The following ADORA2B variants were observed in gnomAD, a reference collection of about 807,000 sequenced individuals.
ADORA2B encodes adenosine A2b receptor, also known as adenosine receptor A2b.
In ADORA2B, 18 loss-of-function variants were observed where a neutral mutation model predicts 20.8. The observed-to-expected ratio is 0.87, with a 90% CI of 0.60 to 1.29. The LOEUF is 1.29. Among genes scored for constraint, ADORA2B ranks in the 50% most tolerant of loss-of-function variants. The pLI is 0.00. For synonymous variants in ADORA2B, 179 were observed against 178.3 expected, an observed-to-expected ratio of 1.00 and a Z score of -0.03; for missense variants, 441 against 422.7, an observed-to-expected ratio of 1.04 and a Z score of -0.38.
At position 15,974,762 on chromosome 17, in the gene ADORA2B, C is replaced by T. The variant is rs1970228501; in HGVS notation, c.419C>T (p.Pro140Leu). The T allele has an allele frequency of 1.2e-6, 2 of 1,614,000 alleles. No homozygotes were observed. The highest frequency in any genetic ancestry group is 1.3e-5 in the African/African-American group (1 of 74,898). The part of the protein sequence containing the change: ...WVLAFGIGLT[P>L]FLGWNSKDSA... ...CTTGCCTTTGGCATCGGATTGACTC[C>T]ATTCCTGGGGTGGAACAGTAAAGAC... The change falls in exon 2 of 2, where the codon CCA (proline) becomes CTA (leucine). Residue 140 changes from proline (P) to leucine (L), a missense_variant. Coordinates refer to ENST00000304222, the MANE Select transcript of ADORA2B (RefSeq NM_000676.4).
chr17:15,942,786 T>C (rs1026904698), upstream of ADORA2B, among the ~76,000 whole-genome samples: 1 of 152,132 alleles, frequency 6.6e-6, no homozygotes, highest in Non-Finnish European at 1.5e-5. Context: ...ATGGCCCAGC[T>C]CTCCAGCCTG....
the ADORA2B span, among the ~76,000 whole-genome samples, chr17:15,938,891 CT>C: frequency 1.3e-5 from 2 of 152,000 alleles, no homozygotes; most frequent in Admixed American, 6.6e-5. Flanking sequence ...CTTCAACTTT[CT>C]TTTTTTTGTA....
At chr17:15,964,862 C>G (rs530021710) in intron 1 of ADORA2B, among the ~76,000 whole-genome samples, 5 of 151,884 alleles carry the variant, frequency 3.3e-5, no homozygotes, top group East Asian at 1.9e-4. Context: ...GAGATCGAGA[C>G]CATCCTGGCT....
At chr17:15,934,515 C>T in the ADORA2B span, among the ~76,000 whole-genome samples, 25 of 152,176 alleles carry the variant, frequency 1.6e-4, no homozygotes, top group African/African-American at 5.5e-4. Flanking sequence ...TGAGCCACCG[C>T]GCCCGACCTC....
the ADORA2B span, among the ~76,000 whole-genome samples, chr17:15,923,169 C>T: frequency 6.7e-6 from 1 of 149,910 alleles, no homozygotes; most frequent in Non-Finnish European, 1.5e-5. Context: ...ATTGCAGGCA[C>T]CTGCCACCAC....
chr17:15,890,120 T>G, the ADORA2B span, among the ~76,000 whole-genome samples: 6 of 129,904 alleles, frequency 4.6e-5, 1 homozygote, highest in Non-Finnish European at 9.7e-5. Flanking sequence ...TACCATTTTA[T>G]GTTCCCATCA....
chr17:15,888,101 C>T, the ADORA2B span, among the ~76,000 whole-genome samples: 3 of 126,980 alleles, frequency 2.4e-5, 1 homozygote, highest in East Asian at 2.1e-4. Context: ...CCAAGGAACC[C>T]CAGAGTTATT....
the ADORA2B span, among the ~76,000 whole-genome samples, chr17:15,929,951 C>T: frequency 6.6e-5 from 10 of 152,236 alleles, 1 homozygote; most frequent in South Asian, 1.9e-3. Flanking sequence ...GAGGTGATGG[C>T]TGCACAATAA....
chr17:15,966,840 C>T (rs900914298), intron 1 of ADORA2B, among the ~76,000 whole-genome samples: 3 of 152,190 alleles, frequency 2.0e-5, no homozygotes, highest in South Asian at 2.1e-4. Context: ...ACTTTTCAGT[C>T]GCCTGTTATT....
At chr17:15,852,655 A>T in the ADORA2B span, among the ~76,000 whole-genome samples, 2 of 152,216 alleles carry the variant, frequency 1.3e-5, no homozygotes, top group Non-Finnish European at 2.9e-5. Flanking sequence ...GGATAATTTC[A>T]GCAGAAAACC....
the ADORA2B span, among the ~76,000 whole-genome samples, chr17:15,908,025 T>C: frequency 6.6e-6 from 1 of 152,224 alleles, no homozygotes; most frequent in East Asian, 1.9e-4. Context: ...ATTAGAAATG[T>C]GGATCAAAAT....
chr17:15,861,185 T>C, the ADORA2B span, among the ~76,000 whole-genome samples: 1 of 152,198 alleles, frequency 6.6e-6, no homozygotes, highest in Non-Finnish European at 1.5e-5. Context: ...GTAAGTAGTG[T>C]GCAAGATTAA....
At chr17:15,918,348 C>G in the ADORA2B span, among the ~76,000 whole-genome samples, 1 of 152,198 alleles carries the variant, frequency 6.6e-6, no homozygotes, top group Non-Finnish European at 1.5e-5. Context: ...GTCTTCTGGC[C>G]CCTTAAAAGT....
intron 1 of ADORA2B, among the ~76,000 whole-genome samples, chr17:15,948,407 G>GGGGGGGGGGGGGGGGGC (rs56222691): frequency 5.9e-5 from 2 of 33,762 alleles, no homozygotes; most frequent in Non-Finnish European, 1.3e-4. Flanking sequence ...GCGGCGGGGG[G>GGGGGGGGGGGGGGGGGC]CTCCAGTCCC....
At chr17:15,941,244 G>A (rs1969742053), upstream of ADORA2B, among the ~76,000 whole-genome samples, 1 of 152,192 alleles carries the variant, frequency 6.6e-6, no homozygotes, top group Non-Finnish European at 1.5e-5. Flanking sequence ...TAGTCAGATG[G>A]CAGATGGCTC....
the ADORA2B span, among the ~76,000 whole-genome samples, chr17:15,896,482 G>A: frequency 2.0e-5 from 3 of 152,104 alleles, no homozygotes; most frequent in East Asian, 5.8e-4. Context: ...GGAGAAGAGA[G>A]AACTAATGAA....
chr17:15,972,447 G>A (rs1463818197), intron 1 of ADORA2B, among the ~76,000 whole-genome samples: 1 of 152,146 alleles, frequency 6.6e-6, no homozygotes, highest in Non-Finnish European at 1.5e-5. Context: ...CATTACATAT[G>A]TATTATGGAC....
chr17:15,975,632 A>G lies in ADORA2B; in HGVS notation c.*290A>G, dbSNP rs1170057183. 5.2e-6 allele frequency: 2 copies of G among 384,858 alleles called. No homozygotes were observed. The allele number at this position is 384,858 out of a possible 1,614,324, so 23.8% of individuals were successfully genotyped here. On this transcript the variant is annotated 3_prime_UTR_variant, in exon 2 of 2. Transcript: ENST00000304222. ...TTGTTTTTAAAAGTCTGCCTTGTTT[A>G]TGGTGGAAAATTACTGAAACTATTT... is the stretch of plus-strand genomic sequence containing the variant.
At chr17:15,948,495 A>G (rs1312326776) in intron 1 of ADORA2B, among the ~76,000 whole-genome samples, 2 of 148,016 alleles carry the variant, frequency 1.4e-5, no homozygotes, top group Non-Finnish European at 1.5e-5. Flanking sequence ...GGTGTGGGCC[A>G]TGCCCAAAGC....
Sources: gnomAD v4.1 joint callset for allele counts (sites outside exome capture counted in the v4.1 genomes callset) on GRCh38, gnomAD v4.1.1 for gene constraint, MANE v1.5 for transcripts, NCBI Gene and HGNC (gene_info 2026-07-23, HGNC 2026-07-21) for gene names.